Variants in ASRGL1 observed in about 807,000 individuals in gnomAD.
ASRGL1 encodes the protein isoaspartyl peptidase/L-asparaginase.
ASRGL1 carries 16 observed loss-of-function variants against 22.4 expected under a neutral mutation model. That is an observed-to-expected ratio of 0.71 (90% CI 0.48 to 1.08). The LOEUF (loss-of-function observed/expected upper bound fraction) is 1.08. Ranked by LOEUF, ASRGL1 falls within the 50% of genes least tolerant of loss-of-function variation. The probability of loss-of-function intolerance (pLI) is 0.00; values close to 1 mark genes in which losing one functional copy is unlikely to be tolerated. For missense variants in ASRGL1, 412 were observed against 410.1 expected (o/e 1.00, Z -0.04); for synonymous variants, 165 against 159.3 (o/e 1.04, Z -0.27).
chr11:62,356,510 G>A, intron 3 of ASRGL1, 43 bp downstream of exon 3: 2 of 1,600,780 alleles, frequency 1.2e-6, no homozygotes, highest in Non-Finnish European at 1.7e-6. Flanking sequence ...AATTGTTATT[G>A]TTATACTGCA....
At chr11:62,347,117 C>T (rs1387804077) in intron 2 of ASRGL1, among the ~76,000 whole-genome samples, 1 of 152,144 alleles carries the variant, frequency 6.6e-6, no homozygotes, top group Non-Finnish European at 1.5e-5. Context: ...AACCTTTGAG[C>T]ATGTACTAAC....
chr11:62,363,486 T>C (rs775376297), intron 4 of ASRGL1, among the ~76,000 whole-genome samples: 1 of 152,192 alleles, frequency 6.6e-6, no homozygotes, highest in Non-Finnish European at 1.5e-5. Context: ...TTCTCCTGTT[T>C]TTGATTTTCT....
intron 3 of ASRGL1, 143 bp from the exon 4 acceptor site, chr11:62,356,844 C>A: frequency 1.9e-6 from 2 of 1,069,394 alleles, no homozygotes; most frequent in Non-Finnish European, 2.6e-6. Flanking sequence ...CTTTTTTCAG[C>A]ATACAGAAAA....
chr11:62,350,546 A>G (rs965204506), intron 2 of ASRGL1, among the ~76,000 whole-genome samples: 1 of 152,256 alleles, frequency 6.6e-6, no homozygotes, highest in Non-Finnish European at 1.5e-5. Flanking sequence ...CTGTAATGCC[A>G]GCACTTTGGG....
At position 62,356,966 on chromosome 11, in the gene ASRGL1, T is replaced by C. The variant is rs779741497; in HGVS notation, c.334-21T>C. The C allele has an allele frequency of 3.2e-6, 5 of 1,566,682 alleles. No homozygotes were observed. The Admixed American group carries it at 8.5e-5, about 27-fold the overall frequency. ...AAAATTTTCAAAAAAACAATCATTT[T>C]CTCTTTTCTTTCTGGCTCAGACACC... On this transcript the variant is annotated intron_variant, in intron 3 of 6. Transcript: ENST00000415229.
At chr11:62,383,581 C>T (rs1318798510) in intron 4 of ASRGL1, among the ~76,000 whole-genome samples, 2 of 103,494 alleles carry the variant, frequency 1.9e-5, no homozygotes, top group Admixed American at 1.4e-4. Flanking sequence ...CCAGCCTGGG[C>T]GACAGAGCGA....
At chr11:62,377,806 T>A (rs967128109) in intron 4 of ASRGL1, among the ~76,000 whole-genome samples, 1 of 152,176 alleles carries the variant, frequency 6.6e-6, no homozygotes, top group Non-Finnish European at 1.5e-5. Flanking sequence ...TGTAACTATT[T>A]GATCCAAGTA....
chr11:62,385,344 G>A (rs7115632), intron 4 of ASRGL1, among the ~76,000 whole-genome samples: 116,320 of 150,786 alleles, frequency 0.77, 45,102 homozygotes, highest in South Asian at 0.84. Context: ...CATTTTTAAC[G>A]TTCTTTATAG....
chr11:62,375,484 CTT>C (rs1314599775), intron 4 of ASRGL1, among the ~76,000 whole-genome samples: 15 of 86,592 alleles, frequency 1.7e-4, no homozygotes, highest in East Asian at 7.1e-4. Context: ...ATATATATTT[CTT>C]GGAGTAAACA....
At chr11:62,370,947 A>G (rs1946743666) in intron 4 of ASRGL1, among the ~76,000 whole-genome samples, 1 of 152,154 alleles carries the variant, frequency 6.6e-6, no homozygotes, top group African/African-American at 2.4e-5. Flanking sequence ...TGGTACTGAC[A>G]GTAGGTACTG....
intron 4 of ASRGL1, chr11:62,372,875 A>T (rs2134661226): frequency 6.2e-7 from 1 of 1,602,824 alleles, no homozygotes; most frequent in Admixed American, 1.7e-5. Context: ...ACCCAAAAGC[A>T]GTGCAGGACC....
intron 4 of ASRGL1, among the ~76,000 whole-genome samples, chr11:62,387,994 C>G (rs1947254159): frequency 6.6e-6 from 1 of 152,154 alleles, no homozygotes; most frequent in African/African-American, 2.4e-5. Flanking sequence ...CATGGCCATG[C>G]AAACATCATA....
rs576869521 is a variant in ASRGL1 at position 62,338,932 on chromosome 11, C to CAAA, written c.190+780_190+782dup. ...CCTGGGCGACAGAGCGAGACTATCTCAAAAAAAAAAAAAAAAACTGAAAAA... is the reference window on the plus strand; with the variant it reads ...CCTGGGCGACAGAGCGAGACTATCTCAAAAAAAAAAAAAAAAAAAACTGAAAAA... On this transcript the variant is annotated intron_variant, in intron 2 of 6. Coordinates refer to ENST00000415229, the MANE Select transcript of ASRGL1 (RefSeq NM_001083926.2). Among the ~76,000 whole-genome samples, 90 of 101,576 alleles carry CAAA rather than the reference C, an allele frequency of 8.9e-4. 5 individuals carry two copies. The highest frequency in any genetic ancestry group is 1.3e-3 in the Admixed American group (11 of 8,228). The allele number at this position is 101,576 out of a possible 152,430, so 66.6% of individuals were successfully genotyped here.
the ASRGL1 span, among the ~76,000 whole-genome samples, chr11:62,399,497 C>G: frequency 6.6e-6 from 1 of 152,210 alleles, no homozygotes; most frequent in African/African-American, 2.4e-5. Flanking sequence ...GCCTCCCTGG[C>G]AAGGGGCTTC....
At chr11:62,376,171 T>G (rs2134670297) in intron 4 of ASRGL1, among the ~76,000 whole-genome samples, 1 of 144,230 alleles carries the variant, frequency 6.9e-6, no homozygotes, top group Non-Finnish European at 1.5e-5. Flanking sequence ...CTTTGTGTTC[T>G]CAAGGCTTTT....
At chr11:62,372,008 C>G in intron 4 of ASRGL1, 1 of 698,458 alleles carries the variant, frequency 1.4e-6, no homozygotes, top group East Asian at 2.7e-5. Flanking sequence ...CGGCAATATC[C>G]GTCAGAATTT....
chr11:62,401,085 C>T, the ASRGL1 span, among the ~76,000 whole-genome samples: 4 of 152,240 alleles, frequency 2.6e-5, no homozygotes, highest in African/African-American at 9.6e-5. Context: ...GACCACAGGG[C>T]AGCCGAACTC....
At chr11:62,356,777 C>T (rs1231275795) in intron 3 of ASRGL1, among the ~76,000 whole-genome samples, 1 of 152,164 alleles carries the variant, frequency 6.6e-6, no homozygotes, top group Non-Finnish European at 1.5e-5. Context: ...AATCGCATCT[C>T]TAGTAATGTC....
chr11:62,357,669 G>A (rs1946337110), intron 4 of ASRGL1, among the ~76,000 whole-genome samples: 1 of 152,086 alleles, frequency 6.6e-6, no homozygotes, highest in South Asian at 2.1e-4. Flanking sequence ...GTGATCTAGT[G>A]TACCTTATAA....
Sources: gnomAD v4.1 joint callset for allele counts (sites outside exome capture counted in the v4.1 genomes callset) on GRCh38, gnomAD v4.1.1 for gene constraint, MANE v1.5 for transcripts, NCBI Gene and HGNC (gene_info 2026-07-23, HGNC 2026-07-21) for gene names.